The following CCDC149 variants were observed in gnomAD, a reference collection of about 807,000 sequenced individuals.
CCDC149 encodes the protein coiled-coil domain containing 149, also known as coiled-coil domain-containing protein 149.
CCDC149 carries 45 observed loss-of-function variants against 59.9 expected under a neutral mutation model. The observed-to-expected ratio is 0.75, with a 90% CI of 0.59 to 0.96. The LOEUF (loss-of-function observed/expected upper bound fraction) is 0.96. Ranked by LOEUF, CCDC149 falls within the 40% of genes least tolerant of loss-of-function variation. The probability of loss-of-function intolerance (pLI) is 0.00; values close to 1 mark genes in which losing one functional copy is unlikely to be tolerated. For synonymous variants in CCDC149, 245 were observed against 260.6 expected (o/e 0.94, Z 0.58); for missense variants, 584 against 664.7 (o/e 0.88, Z 1.33).
At chr4:24,876,843 T>C (rs1038468604) in intron 1 of CCDC149, 146 bp from the exon 2 acceptor site, 7 of 752,164 alleles carry the variant, frequency 9.3e-6, no homozygotes, top group African/African-American at 8.8e-5. Flanking sequence ...TTTCAGCAAA[T>C]GACATGTACT....
rs138592949 is a variant in CCDC149 at position 24,810,356 on chromosome 4, T to C, written c.1193-1537A>G. Among the ~76,000 whole-genome samples, 57 of 152,344 alleles carry C rather than the reference T, an allele frequency of 3.7e-4. 1 individual carries two copies. The highest frequency in any genetic ancestry group is 1.2e-3 in the African/African-American group (48 of 41,580). On this transcript the variant is annotated intron_variant, in intron 12 of 12. Transcript: ENST00000635206. ...CACAAAGAGAAGTGCACAGAACTTA[T>C]GTATCCAGCTCAATGAATTTTCACA... is the stretch of plus-strand genomic sequence containing the variant.
intron 1 of CCDC149, among the ~76,000 whole-genome samples, chr4:24,892,365 T>G (rs774575948): frequency 2.0e-5 from 3 of 152,232 alleles, no homozygotes; most frequent in Non-Finnish European, 4.4e-5. Context: ...AAAAGAAGGC[T>G]TTTAGCCCAG....
chr4:24,954,983 T>G (rs1723427282), intron 1 of CCDC149, among the ~76,000 whole-genome samples: 2 of 152,228 alleles, frequency 1.3e-5, no homozygotes, highest in Admixed American at 6.5e-5. Context: ...TCTCTACATT[T>G]TATTATAAGT....
intron 1 of CCDC149, among the ~76,000 whole-genome samples, chr4:24,958,470 G>A (rs958696098): frequency 9.9e-5 from 15 of 152,134 alleles, no homozygotes; most frequent in Admixed American, 2.0e-4. Flanking sequence ...TACAACAAAA[G>A]AGATGGGCAC....
At chr4:24,967,114 A>G (rs919280359) in intron 1 of CCDC149, among the ~76,000 whole-genome samples, 1 of 152,124 alleles carries the variant, frequency 6.6e-6, no homozygotes, top group African/African-American at 2.4e-5. Context: ...TCTCTCCCAT[A>G]CCAAAATACA....
intron 1 of CCDC149, among the ~76,000 whole-genome samples, chr4:24,931,331 A>ATATATATATATATATCTC (rs1394185015): frequency 6.8e-6 from 1 of 147,526 alleles, no homozygotes; most frequent in African/African-American, 2.5e-5. Context: ...ATATATATAT[A>ATATATATATATATATCTC]TCTCAGTACA....
chr4:24,904,983 C>A lies in CCDC149; in HGVS notation c.63+7834G>T, dbSNP rs146646579. ...CTGGTGCCATCTCAGCTCACTGCAA[C>A]CTCCGCCTCCCAGGTTCAAGCGATT... On this transcript the variant is annotated intron_variant, in intron 1 of 12. Transcript: ENST00000635206. Among the ~76,000 whole-genome samples the A allele has an allele frequency of 1.8e-3, 280 of 152,264 alleles. 2 individuals are homozygous for A. The highest frequency in any genetic ancestry group is 6.5e-3 in the African/African-American group (270 of 41,550).
intron 1 of CCDC149, among the ~76,000 whole-genome samples, chr4:24,894,673 C>A (rs755642184): frequency 1.1e-4 from 16 of 151,860 alleles, no homozygotes; most frequent in Middle Eastern, 3.4e-3. Flanking sequence ...CCTGTAAACA[C>A]CAGAGCAAAA....
At chr4:24,851,506 G>A (rs1577409886) in intron 4 of CCDC149, among the ~76,000 whole-genome samples, 1 of 152,120 alleles carries the variant, frequency 6.6e-6, no homozygotes, top group East Asian at 1.9e-4. Flanking sequence ...CAAAAGAATT[G>A]AAAGTGACCA....
intron 1 of CCDC149, among the ~76,000 whole-genome samples, chr4:24,909,432 C>T (rs1173177654): frequency 1.3e-5 from 2 of 152,152 alleles, no homozygotes; most frequent in African/African-American, 4.8e-5. Context: ...GTACCAGACC[C>T]AGTCACACCC....
intron 1 of CCDC149, among the ~76,000 whole-genome samples, chr4:24,975,079 T>C (rs1367771925): frequency 2.0e-5 from 3 of 152,114 alleles, no homozygotes; most frequent in Non-Finnish European, 4.4e-5. Context: ...ACTAGCTTGC[T>C]CTCTTGCCTT....
chr4:24,945,141 G>T (rs1420346161), intron 1 of CCDC149, among the ~76,000 whole-genome samples: 1 of 152,186 alleles, frequency 6.6e-6, no homozygotes, highest in African/African-American at 2.4e-5. Flanking sequence ...GACCCAGTAG[G>T]TCTAGGGTGG....
chr4:24,865,378 A>C (rs1437327745), intron 3 of CCDC149, among the ~76,000 whole-genome samples: 1 of 152,180 alleles, frequency 6.6e-6, no homozygotes, highest in Non-Finnish European at 1.5e-5. Context: ...AGCAAATTTA[A>C]TTGCAATTTC....
intron 1 of CCDC149, among the ~76,000 whole-genome samples, chr4:24,902,944 G>A (rs961572201): frequency 1.5e-5 from 2 of 130,742 alleles, no homozygotes; most frequent in African/African-American, 2.8e-5. Flanking sequence ...AGAATCACTT[G>A]AGCCCAGGAA....
chr4:24,879,425 G>A (rs925675801), intron 1 of CCDC149, among the ~76,000 whole-genome samples: 7 of 151,726 alleles, frequency 4.6e-5, no homozygotes. Flanking sequence ...GCTGAGGCAG[G>A]AGAATCACTT....
intron 9 of CCDC149, among the ~76,000 whole-genome samples, chr4:24,824,954 T>G (rs1715630753): frequency 6.6e-6 from 1 of 152,220 alleles, no homozygotes; most frequent in Non-Finnish European, 1.5e-5. Flanking sequence ...AAAGAGGATC[T>G]CTGTTAGCTT....
At chr4:24,952,746 G>A (rs961870111) in intron 1 of CCDC149, among the ~76,000 whole-genome samples, 26 of 143,128 alleles carry the variant, frequency 1.8e-4, no homozygotes, top group Non-Finnish European at 2.8e-4. Context: ...GTACATTCAC[G>A]TTGTGCAACC....
At chr4:24,946,584 G>A (rs1400273418) in intron 1 of CCDC149, among the ~76,000 whole-genome samples, 1 of 152,084 alleles carries the variant, frequency 6.6e-6, no homozygotes, top group Non-Finnish European at 1.5e-5. Flanking sequence ...CTTTCCATTG[G>A]TTAAAACGCA....
At chr4:24,966,130 C>T (rs759735237) in intron 1 of CCDC149, among the ~76,000 whole-genome samples, 4 of 152,104 alleles carry the variant, frequency 2.6e-5, no homozygotes, top group Admixed American at 6.5e-5. Context: ...AACAGGATCC[C>T]GAGCTGTTGC....
Sources: allele counts gnomAD v4.1 joint callset (sites outside exome capture counted in the v4.1 genomes callset), GRCh38; gene constraint gnomAD v4.1.1; transcripts MANE v1.5; gene names NCBI Gene and HGNC (gene_info 2026-07-23, HGNC 2026-07-21).